Variants in PIWIL2 observed in about 807,000 individuals in gnomAD.
PIWIL2 encodes piwi like RNA-mediated gene silencing 2.
In PIWIL2, 81 loss-of-function variants were observed where a neutral mutation model predicts 116.5. The ratio of observed to expected loss-of-function variants is 0.70; its 90% CI spans 0.58 to 0.84. The LOEUF is 0.84. Among genes scored for constraint, PIWIL2 ranks in the 40% least tolerant of loss-of-function variants. The pLI is 0.00. For synonymous variants in PIWIL2, 489 were observed against 429.5 expected (o/e 1.14, Z -1.71); for missense variants, 1,272 against 1,212.3 (o/e 1.05, Z -0.73).
intron 20 of PIWIL2, among the ~76,000 whole-genome samples, chr8:22,337,709 A>C (rs1266019474): frequency 6.6e-6 from 1 of 152,042 alleles, no homozygotes; most frequent in East Asian, 1.9e-4. Flanking sequence ...CAGCCTGGGC[A>C]ATAAGAGCAA....
chr8:22,294,644 C>CAAAAAAA (rs897494985), intron 10 of PIWIL2, among the ~76,000 whole-genome samples: 4 of 29,898 alleles, frequency 1.3e-4, no homozygotes, highest in African/African-American at 2.3e-4. Context: ...GACTCTGTCT[C>CAAAAAAA]AAAAAAAAAA....
chr8:22,306,599 G>A (rs1223904659), intron 13 of PIWIL2, among the ~76,000 whole-genome samples: 1 of 152,064 alleles, frequency 6.6e-6, no homozygotes, highest in African/African-American at 2.4e-5. Flanking sequence ...GCCACACTCT[G>A]TCTGGGGCTG....
intron 20 of PIWIL2, among the ~76,000 whole-genome samples, chr8:22,318,864 C>T (rs1018321473): frequency 6.6e-6 from 1 of 152,178 alleles, no homozygotes; most frequent in African/African-American, 2.4e-5. Flanking sequence ...ATCTTCATGC[C>T]CTTATCGGGG....
intron 13 of PIWIL2, among the ~76,000 whole-genome samples, chr8:22,307,666 TA>T (rs1352656459): frequency 6.6e-6 from 1 of 151,894 alleles, no homozygotes; most frequent in Non-Finnish European, 1.5e-5. Flanking sequence ...AAAAGTTTTT[TA>T]TAGAGACAGA....
intron 20 of PIWIL2, among the ~76,000 whole-genome samples, chr8:22,339,393 A>G (rs569171516): frequency 6.6e-6 from 1 of 152,196 alleles, no homozygotes; most frequent in African/African-American, 2.4e-5. Flanking sequence ...CTGTAATCCC[A>G]GCTACTCAGG....
At chr8:22,294,452 C>T (rs1310882287) in intron 10 of PIWIL2, among the ~76,000 whole-genome samples, 7 of 150,674 alleles carry the variant, frequency 4.6e-5, no homozygotes, top group East Asian at 2.0e-4. Context: ...CCATCCTGGC[C>T]AACACGGTGA....
At chr8:22,313,339 T>C (rs1380576470) in intron 16 of PIWIL2, among the ~76,000 whole-genome samples, 3 of 152,306 alleles carry the variant, frequency 2.0e-5, no homozygotes, top group South Asian at 2.1e-4. Flanking sequence ...ACTGGAGATA[T>C]AAACCCAGGA....
intron 5 of PIWIL2, 69 bp downstream of exon 5, chr8:22,283,309 A>G: frequency 2.4e-6 from 3 of 1,255,440 alleles, no homozygotes; most frequent in Non-Finnish European, 2.3e-6. Context: ...GCTCGTGTGT[A>G]GTATTGTAAA....
chr8:22,350,175 G>A (rs1250489445), intron 20 of PIWIL2, among the ~76,000 whole-genome samples: 2 of 152,198 alleles, frequency 1.3e-5, no homozygotes, highest in African/African-American at 4.8e-5. Context: ...GGGAAACCTT[G>A]GGTTGGGCTA....
intron 20 of PIWIL2, among the ~76,000 whole-genome samples, chr8:22,329,653 G>C (rs1303809022): frequency 6.6e-6 from 1 of 152,186 alleles, no homozygotes; most frequent in Non-Finnish European, 1.5e-5. Context: ...GGAATTACAT[G>C]TCAACATGAG....
At chr8:22,321,292 T>C (rs1831592597) in intron 20 of PIWIL2, among the ~76,000 whole-genome samples, 1 of 152,062 alleles carries the variant, frequency 6.6e-6, no homozygotes, top group African/African-American at 2.4e-5. Context: ...TAAAAATTTT[T>C]AGTAGAAATG....
chr8:22,346,222 T>C (rs543779459), intron 20 of PIWIL2, among the ~76,000 whole-genome samples: 1 of 152,276 alleles, frequency 6.6e-6, no homozygotes, highest in African/African-American at 2.4e-5. Context: ...AGACCTTGTC[T>C]CTAAAAATAA....
chr8:22,324,703 T>G (rs80166517), intron 20 of PIWIL2, among the ~76,000 whole-genome samples: 7,545 of 152,300 alleles, frequency 0.05, 292 homozygotes, highest in Admixed American at 0.086. Flanking sequence ...GAATGTAACC[T>G]TGTTTGGAAA....
At chr8:22,318,708 T>G (rs1831526000) in intron 20 of PIWIL2, among the ~76,000 whole-genome samples, 1 of 152,328 alleles carries the variant, frequency 6.6e-6, no homozygotes, top group East Asian at 1.9e-4. Context: ...GTGAGTCTCC[T>G]AAACAGCTGC....
At chr8:22,286,931 T>A (rs563792403) in intron 6 of PIWIL2, among the ~76,000 whole-genome samples, 13 of 150,870 alleles carry the variant, frequency 8.6e-5, no homozygotes, top group Admixed American at 1.3e-4. Context: ...CAAAAAAAAA[T>A]TTTTTTTTAG....
chr8:22,302,409 G>C (rs936715569), intron 10 of PIWIL2, among the ~76,000 whole-genome samples: 1 of 152,024 alleles, frequency 6.6e-6, no homozygotes, highest in Non-Finnish European at 1.5e-5. Flanking sequence ...TCGATCTCTT[G>C]ACATCATGAT....
chr8:22,313,544 T>C (rs1831382918), intron 16 of PIWIL2, among the ~76,000 whole-genome samples: 1 of 152,242 alleles, frequency 6.6e-6, no homozygotes, highest in Non-Finnish European at 1.5e-5. Context: ...TCTGTTCTCA[T>C]GCCTTTGGAA....
intron 20 of PIWIL2, among the ~76,000 whole-genome samples, chr8:22,329,110 AT>A (rs1405261262): frequency 1.3e-5 from 2 of 151,990 alleles, no homozygotes; most frequent in Non-Finnish European, 2.9e-5. Context: ...TTTTTCATAA[AT>A]TTCCTTTATC....
At chr8:22,336,363 C>T (rs991941576) in intron 20 of PIWIL2, among the ~76,000 whole-genome samples, 1 of 152,118 alleles carries the variant, frequency 6.6e-6, no homozygotes, top group African/African-American at 2.4e-5. Context: ...TTAAACAAGA[C>T]TGGCTCCAAA....
Sources: gnomAD v4.1 joint callset for allele counts (sites outside exome capture counted in the v4.1 genomes callset) on GRCh38, gnomAD v4.1.1 for gene constraint, MANE v1.5 for transcripts, NCBI Gene and HGNC (gene_info 2026-07-23, HGNC 2026-07-21) for gene names.